The following QDPR variants were observed in gnomAD, a reference collection of about 807,000 sequenced individuals.
QDPR encodes quinoid dihydropteridine reductase, also known as dihydropteridine reductase.
A neutral mutation model predicts 31.7 loss-of-function variants in QDPR; 23 were observed. The ratio of observed to expected loss-of-function variants is 0.73; its 90% CI spans 0.52 to 1.03. The LOEUF is 1.03. Ranked by LOEUF, QDPR falls within the 50% of genes least tolerant of loss-of-function variation. The pLI, the probability that QDPR is intolerant of heterozygous loss-of-function variation, is 0.00. For missense variants in QDPR, 324 were observed against 323.8 expected, an observed-to-expected ratio of 1.00 and a Z score of 0.00; for synonymous variants, 124 against 124.7, an observed-to-expected ratio of 0.99 and a Z score of 0.03.
At chr4:17,490,770 T>C (rs745976128) in intron 5 of QDPR, 25 bp from the exon 6 acceptor site, 1 of 1,585,860 alleles carries the variant, frequency 6.3e-7, no homozygotes, top group Admixed American at 1.7e-5. Context: ...GATAAGCACG[T>C]CATTCATGTC....
At chr4:17,488,536 T>C (rs1260793750) in intron 6 of QDPR, among the ~76,000 whole-genome samples, 3 of 152,050 alleles carry the variant, frequency 2.0e-5, no homozygotes, top group Admixed American at 6.6e-5. Flanking sequence ...CTGACCCCAC[T>C]TGCAGCAGTC....
chr4:17,510,111 C>A, intron 1 of QDPR: 1 of 401,504 alleles, frequency 2.5e-6, no homozygotes, highest in Non-Finnish European at 5.0e-6. Flanking sequence ...ATTTGATTTT[C>A]TTTTCAACCA....
At chr4:17,492,904 G>A (rs1314846482) in intron 4 of QDPR, among the ~76,000 whole-genome samples, 4 of 152,108 alleles carry the variant, frequency 2.6e-5, no homozygotes, top group Non-Finnish European at 5.9e-5. Context: ...ATGCTTGTGA[G>A]CACCTGGCAC....
At chr4:17,505,462 G>C (rs1718753636) in intron 2 of QDPR, among the ~76,000 whole-genome samples, 1 of 152,100 alleles carries the variant, frequency 6.6e-6, no homozygotes, top group Non-Finnish European at 1.5e-5. Flanking sequence ...GGCCAGGCTT[G>C]TCTCGAACTC....
At chr4:17,497,824 T>C (rs1323434580) in intron 4 of QDPR, among the ~76,000 whole-genome samples, 1 of 152,176 alleles carries the variant, frequency 6.6e-6, no homozygotes, top group African/African-American at 2.4e-5. Context: ...TGAAACACAA[T>C]AAACTTAAAC....
intron 4 of QDPR, among the ~76,000 whole-genome samples, chr4:17,499,142 T>C (rs1204798084): frequency 6.6e-6 from 1 of 152,168 alleles, no homozygotes; most frequent in Admixed American, 6.5e-5. Context: ...ACAACCACCA[T>C]ATATATAAAG....
rs1022765173 is a variant in QDPR, at chr4:17,490,846, A to T, written c.546-101T>A. 6 of 822,728 alleles carry T rather than the reference A, an allele frequency of 7.3e-6. No individual in the cohort carries two copies. In the African/African-American group the frequency reaches 1.0e-4, roughly 14 times the overall value. 51.0% of individuals were successfully genotyped at this position (822,728 alleles called of 1,614,324 possible). A position where few individuals can be genotyped will look rare whatever the true frequency, so the allele number is the denominator to read the frequency against. ...GAAAACGCAAACATACAGCAGGACA[A>T]CCTAGAGCCTCTGGCACTGAGGGTG... On this transcript the variant is annotated intron_variant, in intron 5 of 6. Transcript: ENST00000281243.
intron 1 of QDPR, among the ~76,000 whole-genome samples, chr4:17,509,630 GGCGAGAGGATCACTTGA>G (rs1328818378): frequency 2.0e-5 from 3 of 152,154 alleles, no homozygotes. Flanking sequence ...GGGAGGTTGA[GGCGAGAGGATCACTTGA>G]GCTCAGTGAG....
Position 17,496,022 on chromosome 4 carries a change from A to AAAAT in QDPR, c.437-3686_437-3683dup, listed in dbSNP as rs150999940. Among the ~76,000 whole-genome samples, 810 of 151,372 alleles carry AAAAT rather than the reference A, an allele frequency of 5.4e-3. 12 individuals are homozygous for AAAAT. The highest frequency in any genetic ancestry group is 5.2e-3 in the Non-Finnish European group (352 of 67,940). ...CCAGACCATATCTCCAAAAAAAAGGAAAATAAATAAATAAATAAATAAATA... is the reference window on the plus strand; with the variant it reads ...CCAGACCATATCTCCAAAAAAAAGGAAAATAAATAAATAAATAAATAAATAAATA... On this transcript the variant is annotated intron_variant, in intron 4 of 6. Coordinates refer to ENST00000281243, the MANE Select transcript of QDPR (RefSeq NM_000320.3).
At chr4:17,505,732 T>C (rs990749852) in intron 2 of QDPR, among the ~76,000 whole-genome samples, 1 of 152,136 alleles carries the variant, frequency 6.6e-6, no homozygotes, top group East Asian at 1.9e-4. Flanking sequence ...ACCCTGTGTC[T>C]CTCCCAGTAG....
intron 3 of QDPR, among the ~76,000 whole-genome samples, chr4:17,502,613 T>A (rs763863961): frequency 1.1e-4 from 16 of 152,266 alleles, no homozygotes; most frequent in Non-Finnish European, 1.9e-4. Flanking sequence ...GTTATCAAGC[T>A]GTTTTGCTAA....
At chr4:17,503,459 G>A (rs1228275013) in intron 3 of QDPR, among the ~76,000 whole-genome samples, 3 of 152,058 alleles carry the variant, frequency 2.0e-5, no homozygotes, top group East Asian at 1.9e-4. Flanking sequence ...AGAAACACGC[G>A]GAAATATAGT....
At chr4:17,506,573 C>A (rs1718795238) in intron 2 of QDPR, among the ~76,000 whole-genome samples, 1 of 152,208 alleles carries the variant, frequency 6.6e-6, no homozygotes, top group South Asian at 2.1e-4. Context: ...TGACCTTGGA[C>A]AAATACCAGG....
chr4:17,507,135 G>T (rs1158935628), intron 2 of QDPR, among the ~76,000 whole-genome samples: 1 of 152,088 alleles, frequency 6.6e-6, no homozygotes, highest in Non-Finnish European at 1.5e-5. Flanking sequence ...GATTACCAAG[G>T]AAAGTGCAAC....
chr4:17,492,386 G>A (rs1718199955), intron 4 of QDPR, 46 bp from the exon 5 acceptor site: 1 of 1,429,870 alleles, frequency 7.0e-7, no homozygotes, highest in South Asian at 1.2e-5. Flanking sequence ...GGCGGCCAGG[G>A]GGACAGCAAG....
At chr4:17,504,308 T>C (rs919103802) in intron 3 of QDPR, 71 bp downstream of exon 3, 38 of 1,400,184 alleles carry the variant, frequency 2.7e-5, no homozygotes, top group Non-Finnish European at 3.7e-5. Context: ...TGTCACCTAG[T>C]GCAAACCCAA....
intron 4 of QDPR, among the ~76,000 whole-genome samples, chr4:17,498,586 T>A (rs1301808895): frequency 6.6e-6 from 1 of 152,094 alleles, no homozygotes; most frequent in African/African-American, 2.4e-5. Flanking sequence ...AAGGGGTTAT[T>A]TGCAAGATAT....
intron 4 of QDPR, among the ~76,000 whole-genome samples, chr4:17,501,379 G>T (rs1166996797): frequency 6.6e-6 from 1 of 151,968 alleles, no homozygotes; most frequent in Non-Finnish European, 1.5e-5. Flanking sequence ...TGCTTCCCTG[G>T]AACACATGGA....
chr4:17,487,127 A>G lies in QDPR; in HGVS notation c.*4T>C, dbSNP rs1470596714. On this transcript the variant is annotated 3_prime_UTR_variant, in exon 7 of 7. Transcript: ENST00000281243. ...CAGGCCCCTCATAGGCACTGAGATG[A>G]GGCCTAAAAATATGCTGGGGTGAGT... 1 of 1,611,550 alleles carries G rather than the reference A, an allele frequency of 6.2e-7. No individual in the cohort carries two copies. The highest frequency in any genetic ancestry group is 1.3e-5 in the African/African-American group (1 of 74,878).
Sources: gnomAD v4.1 joint callset for allele counts (sites outside exome capture counted in the v4.1 genomes callset) on GRCh38, gnomAD v4.1.1 for gene constraint, MANE v1.5 for transcripts, NCBI Gene and HGNC (gene_info 2026-07-23, HGNC 2026-07-21) for gene names.